Variants in COQ9 observed in about 807,000 individuals in gnomAD.
The protein encoded by COQ9 is ubiquinone biosynthesis protein COQ9, mitochondrial.
In COQ9, 35 loss-of-function variants were observed where a neutral mutation model predicts 42.4. The ratio of observed to expected loss-of-function variants is 0.83; its 90% CI spans 0.63 to 1.10. The LOEUF is 1.10. Among genes scored for constraint, COQ9 ranks in the 50% least tolerant of loss-of-function variants. The pLI, the probability that COQ9 is intolerant of heterozygous loss-of-function variation, is 0.00. For missense variants in COQ9, 406 were observed against 414.6 expected (o/e 0.98, Z 0.18); for synonymous variants, 155 against 155.1 (o/e 1.00, Z 0.00).
At position 57,447,519 on chromosome 16, in the gene COQ9, CG is replaced by C; in HGVS notation, c.16del (p.Val6TyrfsTer39). 7.7e-7 allele frequency: 1 copy of C among 1,305,454 alleles called. No individual in the cohort carries two copies. The highest frequency in any genetic ancestry group is 2.5e-5 in the South Asian group (1 of 39,952). The allele number at this position is 1,305,454 out of a possible 1,614,324, so 80.9% of individuals were successfully genotyped here. A position where few individuals can be genotyped will look rare whatever the true frequency, so the allele number is the denominator to read the frequency against. On this transcript the variant is annotated frameshift_variant, in exon 1 of 9. Coordinates refer to ENST00000262507, the MANE Select transcript of COQ9 (RefSeq NM_020312.4). LOFTEE classifies it high-confidence loss of function. The part of the protein sequence containing the change: MAAA[A>X]VSGALGRAGW... Reference sequence around the variant, plus strand: ...CCCGCTTCCAAAATGGCGGCGGCGGCGGTATCTGGTGCGCTTGGCCGGGCGG... The same window carrying C: ...CCCGCTTCCAAAATGGCGGCGGCGGCGTATCTGGTGCGCTTGGCCGGGCGG...
intron 1 of COQ9, chr16:57,447,935 A>G (rs1598034357): frequency 4.8e-6 from 1 of 209,170 alleles, no homozygotes; most frequent in Non-Finnish European, 9.5e-6. Context: ...GGACAGGTGG[A>G]CACGGCCACA....
intron 1 of COQ9, chr16:57,450,729 A>G (rs150729804): frequency 2.3e-6 from 1 of 426,172 alleles, no homozygotes; most frequent in African/African-American, 2.0e-5. Context: ...AGTAGAGATT[A>G]TTACTCTAAA....
chr16:57,458,132 CAG>C, intron 5 of COQ9, 112 bp from the exon 6 acceptor site: 2 of 784,166 alleles, frequency 2.6e-6, no homozygotes, highest in Non-Finnish European at 4.4e-6. Context: ...ATGCTGGTCT[CAG>C]AGAACCAGAG....
At chr16:57,456,399 G>C in intron 3 of COQ9, 105 bp from the exon 4 acceptor site, 1 of 1,328,986 alleles carries the variant, frequency 7.5e-7, no homozygotes, top group Non-Finnish European at 1.1e-6. Context: ...CCAGAGTGAA[G>C]AAATCAAGCT....
At chr16:57,450,851 A>C (rs1598035959) in intron 1 of COQ9, 189 bp from the exon 2 acceptor site, 1 of 678,292 alleles carries the variant, frequency 1.5e-6, no homozygotes, top group African/African-American at 1.8e-5. Context: ...CTGGCTTACC[A>C]CTTTTGCTAC....
chr16:57,451,257 T>C (rs545893512), intron 2 of COQ9, 49 bp downstream of exon 2: 2 of 1,568,698 alleles, frequency 1.3e-6, no homozygotes, highest in East Asian at 4.5e-5. Context: ...CTTCATTATG[T>C]CTGTTCCTCC....
chr16:57,450,902 G>A (rs570976368), intron 1 of COQ9, 138 bp from the exon 2 acceptor site: 3 of 954,432 alleles, frequency 3.1e-6, no homozygotes, highest in Admixed American at 4.0e-5. Flanking sequence ...CAATATTTTT[G>A]TGTGGGACCC....
At chr16:57,459,972 G>T (rs2030494417) in intron 7 of COQ9, 79 bp from the exon 8 acceptor site, 23 of 1,384,382 alleles carry the variant, frequency 1.7e-5, no homozygotes, top group Non-Finnish European at 4.1e-6. Flanking sequence ...GGGCTCATAG[G>T]CCTCCTGATT....
rs1363564104 is a variant in COQ9 at position 57,461,226 on chromosome 16, G to T, written c.*602G>T. 7.2e-5 allele frequency: 32 copies of T among 447,532 alleles called. No homozygotes were observed. Among genetic ancestry groups the T allele is most frequent in the Non-Finnish European group, 2.7e-5 (6 of 222,082 alleles). The allele number at this position is 447,532 out of a possible 1,614,324, so 27.7% of individuals were successfully genotyped here. On this transcript the variant is annotated 3_prime_UTR_variant, in exon 9 of 9. Coordinates refer to ENST00000262507, the MANE Select transcript of COQ9 (RefSeq NM_020312.4). ...ACCAGCATGCATTGCAGGATTATTA[G>T]TGTATTTTGAGTCTGTAAAAATAAT...
At position 57,457,980 on chromosome 16, in the gene COQ9, C is replaced by T. The variant is rs1598039493; in HGVS notation, c.607-266C>T. 6.3e-6 allele frequency: 3 copies of T among 475,728 alleles called. No homozygotes were observed. The East Asian group carries it at 1.3e-4, about 20-fold the overall frequency. 29.5% of individuals were successfully genotyped at this position (475,728 alleles called of 1,614,324 possible). ...CATCCTTGCTTAGACCAGTCTAGAC[C>T]CTCTGGCCCTCTGCATTCCCAGTTC... On this transcript the variant is annotated intron_variant, in intron 5 of 8. Transcript: ENST00000262507.
At chr16:57,455,789 A>G (rs1198035100) in intron 3 of COQ9, among the ~76,000 whole-genome samples, 8 of 152,158 alleles carry the variant, frequency 5.3e-5, no homozygotes, top group African/African-American at 1.9e-4. Flanking sequence ...TGGGAAGAGT[A>G]CAGAAACAAG....
At chr16:57,448,019 CCA>C (rs1286626669) in intron 1 of COQ9, among the ~76,000 whole-genome samples, 1 of 152,182 alleles carries the variant, frequency 6.6e-6, no homozygotes, top group African/African-American at 2.4e-5. Context: ...TACTCTCTTA[CCA>C]CCTTTGCCAC....
intron 4 of COQ9, 107 bp downstream of exon 4, chr16:57,456,753 G>A (rs570432547): frequency 7.0e-7 from 1 of 1,421,082 alleles, no homozygotes; most frequent in Non-Finnish European, 9.7e-7. Flanking sequence ...AAAGAGAGCA[G>A]CATTGGGCAG....
intron 3 of COQ9, chr16:57,453,194 C>T (rs1347101122): frequency 5.5e-6 from 3 of 548,024 alleles, no homozygotes; most frequent in Non-Finnish European, 9.8e-6. Context: ...ATCAAAACTC[C>T]CATGTTTCAT....
chr16:57,453,299 T>A (rs1435790014), intron 3 of COQ9: 1 of 340,076 alleles, frequency 2.9e-6, no homozygotes, highest in Admixed American at 4.3e-5. Flanking sequence ...ACAAAGCACT[T>A]CTGTGATTCA....
chr16:57,461,214 G>A lies in COQ9; in HGVS notation c.*590G>A, dbSNP rs2030530965. The A allele has an allele frequency of 4.4e-6, 2 of 452,404 alleles. No homozygotes were observed. The highest frequency in any genetic ancestry group is 3.1e-5 in the South Asian group (2 of 64,224). 28.0% of individuals were successfully genotyped at this position (452,404 alleles called of 1,614,324 possible). ...GTGTCACATGACACCAGCATGCATT[G>A]CAGGATTATTAGTGTATTTTGAGTC... is the stretch of plus-strand genomic sequence containing the variant. On this transcript the variant is annotated 3_prime_UTR_variant, in exon 9 of 9. Coordinates refer to ENST00000262507, the MANE Select transcript of COQ9 (RefSeq NM_020312.4).
chr16:57,457,456 G>T, intron 5 of COQ9: 2 of 311,332 alleles, frequency 6.4e-6, no homozygotes, highest in Non-Finnish European at 6.2e-6. Context: ...TCGTTGCAAG[G>T]GGTTTTTTCA....
chr16:57,448,488 A>G (rs977350918), intron 1 of COQ9, among the ~76,000 whole-genome samples: 4 of 151,862 alleles, frequency 2.6e-5, no homozygotes, highest in South Asian at 2.1e-4. Context: ...CAGTGGTACA[A>G]TCTCGGCTCA....
chr16:57,458,261 A>C lies in COQ9; in HGVS notation c.622A>C (p.Met208Leu). The part of the protein sequence containing the change: ...EHWPRALSIL[M>L]LPHNIPSSLS... ...CTCTCTCCAGGCCCTCAGCATCCTC[A>C]TGCTCCCTCACAACATCCCGTCCAG... The change falls in exon 6 of 9, where the codon ATG becomes CTG. Residue 208 changes from methionine (M) to leucine (L), a missense_variant. Transcript: ENST00000262507. 12 of 1,610,790 alleles carry C rather than the reference A, an allele frequency of 7.4e-6. No homozygotes were observed. The highest frequency in any genetic ancestry group is 1.1e-5 in the South Asian group (1 of 90,198).
Sources: gnomAD v4.1 joint callset for allele counts (sites outside exome capture counted in the v4.1 genomes callset) on GRCh38, gnomAD v4.1.1 for gene constraint, MANE v1.5 for transcripts, NCBI Gene and HGNC (gene_info 2026-07-23, HGNC 2026-07-21) for gene names.